CSMD1: variants seen among roughly 807,000 people sequenced by gnomAD.
CSMD1 encodes CUB and Sushi multiple domains 1, also known as CUB and sushi domain-containing protein 1.
CSMD1 carries 213 observed loss-of-function variants against 417.5 expected under a neutral mutation model. The ratio of observed to expected loss-of-function variants is 0.51; its 90% CI spans 0.46 to 0.57. CSMD1 has a LOEUF of 0.57. CSMD1 is among the 20% of genes least tolerant of loss of function. The pLI, the probability that CSMD1 is intolerant of heterozygous loss-of-function variation, is 0.00. For synonymous variants in CSMD1, 2,862 were observed against 1,736.8 expected (o/e 1.65, Z -16.11); for missense variants, 6,923 against 4,529.7 (o/e 1.53, Z -15.17).
Position 4,913,171 on chromosome 8 carries a change from G to C in CSMD1, c.85+81161C>G, listed in dbSNP as rs542274829. On this transcript the variant is annotated intron_variant, in intron 1 of 69. Transcript: ENST00000635120. Reference sequence around the variant, plus strand: ...ACTCAGAACAGGCACAGGACAGTGGGTCTTGCAAAGATTAGGTTGGTGCAA... The same window carrying C: ...ACTCAGAACAGGCACAGGACAGTGGCTCTTGCAAAGATTAGGTTGGTGCAA... Among the ~76,000 whole-genome samples, 108 of 152,282 alleles carry C rather than the reference G, an allele frequency of 7.1e-4. 3 individuals are homozygous for C. The South Asian group carries it at 0.021, about 30-fold the overall frequency.
chr8:4,267,528 C>T (rs1273971022), intron 3 of CSMD1, among the ~76,000 whole-genome samples: 4 of 151,748 alleles, frequency 2.6e-5, no homozygotes, highest in South Asian at 2.1e-4. Context: ...ATCCCAGCTA[C>T]ACTGCAACTC....
chr8:4,462,145 G>A (rs1799874203), intron 2 of CSMD1, among the ~76,000 whole-genome samples: 1 of 152,066 alleles, frequency 6.6e-6, no homozygotes, highest in Non-Finnish European at 1.5e-5. Context: ...AAAGTGCTGG[G>A]ATTACAGGTG....
At chr8:4,397,576 C>CCAGGCCA (rs1276086529) in intron 3 of CSMD1, among the ~76,000 whole-genome samples, 1 of 138,770 alleles carries the variant, frequency 7.2e-6, no homozygotes, top group Non-Finnish European at 1.5e-5. Context: ...GCTCTTTTGC[C>CCAGGCCA]CAGGCCACAG....
chr8:3,833,142 C>G (rs1338235429), intron 5 of CSMD1, among the ~76,000 whole-genome samples: 1 of 152,130 alleles, frequency 6.6e-6, no homozygotes, highest in Non-Finnish European at 1.5e-5. Context: ...CGATCAACTT[C>G]CTCTCTTTAA....
intron 33 of CSMD1, among the ~76,000 whole-genome samples, chr8:3,191,433 G>A (rs1210720942): frequency 6.6e-6 from 1 of 152,134 alleles, no homozygotes; most frequent in Non-Finnish European, 1.5e-5. Flanking sequence ...TCCAGCCTGG[G>A]TGAAAGATTG....
chr8:3,610,890 G>A (rs989253079), intron 8 of CSMD1, among the ~76,000 whole-genome samples: 3 of 151,864 alleles, frequency 2.0e-5, no homozygotes, highest in African/African-American at 7.3e-5. Flanking sequence ...CTTTTCCATT[G>A]ACAGTGCAGA....
chr8:4,835,988 T>A (rs977842423), intron 1 of CSMD1, among the ~76,000 whole-genome samples: 4 of 152,126 alleles, frequency 2.6e-5, no homozygotes, highest in African/African-American at 9.7e-5. Context: ...AAATGTAAAA[T>A]ATCCTACCAG....
intron 3 of CSMD1, among the ~76,000 whole-genome samples, chr8:4,124,512 G>C (rs1802655836): frequency 6.6e-6 from 1 of 152,178 alleles, no homozygotes; most frequent in Non-Finnish European, 1.5e-5. Flanking sequence ...CCTTGAGTGT[G>C]TCTTCAAGTA....
At chr8:4,029,497 G>C (rs548351567) in intron 4 of CSMD1, among the ~76,000 whole-genome samples, 4 of 152,100 alleles carry the variant, frequency 2.6e-5, no homozygotes, top group African/African-American at 7.2e-5. Flanking sequence ...ATCAGATCTT[G>C]AGAGACTTAT....
chr8:3,470,029 T>C (rs1816997514), intron 11 of CSMD1, among the ~76,000 whole-genome samples: 1 of 152,150 alleles, frequency 6.6e-6, no homozygotes, highest in Non-Finnish European at 1.5e-5. Context: ...AGATCGTGAA[T>C]GTCTAACTCT....
chr8:3,383,431 A>G (rs748137584), intron 18 of CSMD1, among the ~76,000 whole-genome samples: 18 of 152,134 alleles, frequency 1.2e-4, no homozygotes, highest in Non-Finnish European at 2.4e-4. Context: ...AACCTCATGC[A>G]TGGAGGGAAG....
At chr8:4,304,610 C>T (rs777713599) in intron 3 of CSMD1, among the ~76,000 whole-genome samples, 6 of 152,158 alleles carry the variant, frequency 3.9e-5, no homozygotes, top group Non-Finnish European at 7.4e-5. Flanking sequence ...AATATTTCCT[C>T]ATTTTATACA....
intron 26 of CSMD1, among the ~76,000 whole-genome samples, chr8:3,264,351 A>C (rs1801285063): frequency 6.6e-6 from 1 of 152,184 alleles, no homozygotes; most frequent in Non-Finnish European, 1.5e-5. Flanking sequence ...AGTGTGATAC[A>C]GTGCTATTTA....
At chr8:3,936,257 G>A (rs1372117183) in intron 5 of CSMD1, among the ~76,000 whole-genome samples, 2 of 151,708 alleles carry the variant, frequency 1.3e-5, no homozygotes, top group African/African-American at 4.8e-5. Context: ...GAAAGCTACA[G>A]CAAGTTATCC....
intron 3 of CSMD1, among the ~76,000 whole-genome samples, chr8:4,251,745 A>G (rs946722796): frequency 1.3e-5 from 2 of 152,118 alleles, no homozygotes; most frequent in African/African-American, 4.8e-5. Flanking sequence ...CAGTTGTGAC[A>G]TCTCACAAGT....
In CSMD1 at chr8:4,419,933, A is replaced by G; in HGVS notation, c.415+20T>C. On this transcript the variant is annotated intron_variant, in intron 3 of 69. Transcript: ENST00000635120. ...CATTTGGACAGTGAATGCATGTGCA[A>G]AACACAACCAATCTCCTACCTTCAT... 6.7e-7 allele frequency: 1 copy of G among 1,496,478 alleles called. No individual in the cohort carries two copies. The highest frequency in any genetic ancestry group is 1.2e-5 in the South Asian group (1 of 83,240). 92.7% of individuals were successfully genotyped at this position (1,496,478 alleles called of 1,614,324 possible).
intron 6 of CSMD1, among the ~76,000 whole-genome samples, chr8:3,720,782 C>T (rs2623553): frequency 0.97 from 147,732 of 152,218 alleles, 71,842 homozygotes; most frequent in East Asian, 1. Context: ...CTGACACGAT[C>T]CAAAACAGCT....
rs1200910056 is a variant in CSMD1, at chr8:3,393,903, G to C, written c.2593+2291C>G. ...TACCTAATGTAAATGACGAGTTAAT[G>C]GGTGCAGCACACCAACATGGCACAT... On this transcript the variant is annotated intron_variant, in intron 17 of 69. Coordinates refer to ENST00000635120, the MANE Select transcript of CSMD1 (RefSeq NM_033225.6). Among the ~76,000 whole-genome samples the C allele has an allele frequency of 2.7e-5, 4 of 149,916 alleles. No individual in the cohort carries two copies. In the Admixed American group the frequency reaches 2.7e-4, roughly 10 times the overall value.
At chr8:3,518,413 G>C (rs1468025145) in intron 10 of CSMD1, among the ~76,000 whole-genome samples, 1 of 152,250 alleles carries the variant, frequency 6.6e-6, no homozygotes, top group South Asian at 2.1e-4. Context: ...TTTAGAAATA[G>C]ACGGAGACAC....
Sources: allele counts gnomAD v4.1 joint callset (sites outside exome capture counted in the v4.1 genomes callset), GRCh38; gene constraint gnomAD v4.1.1; transcripts MANE v1.5; gene names NCBI Gene and HGNC (gene_info 2026-07-23, HGNC 2026-07-21).